PAPSS1: variants seen among roughly 807,000 people sequenced by gnomAD.
The protein encoded by PAPSS1 is bifunctional 3'-phosphoadenosine 5'-phosphosulfate synthase 1.
PAPSS1 carries 50 observed loss-of-function variants against 72.0 expected under a neutral mutation model. The observed-to-expected ratio is 0.69, with a 90% confidence interval of 0.55 to 0.88. PAPSS1 has a LOEUF of 0.88. Among genes scored for constraint, PAPSS1 ranks in the 40% least tolerant of loss-of-function variants. The pLI is 0.00. For synonymous variants in PAPSS1, 261 were observed against 263.6 expected (o/e 0.99, Z 0.09); for missense variants, 657 against 782.2 (o/e 0.84, Z 1.91).
chr4:107,719,939 C>G lies in PAPSS1; in HGVS notation c.60+181G>C, dbSNP rs1343922041. 9.4e-6 allele frequency: 13 copies of G among 1,382,796 alleles called. No homozygotes were observed. In the Middle Eastern group the frequency reaches 1.0e-3, roughly 111 times the overall value. The allele number at this position is 1,382,796 out of a possible 1,614,324, so 85.7% of individuals were successfully genotyped here. Reference sequence around the variant, plus strand: ...CTAGGGCGAGATCCCCACCCTGCGCCGCGCCCCTCTGCCTCGCAACCACCC... The same window carrying G: ...CTAGGGCGAGATCCCCACCCTGCGCGGCGCCCCTCTGCCTCGCAACCACCC... On this transcript the variant is annotated intron_variant, in intron 1 of 11. Coordinates refer to ENST00000265174, the MANE Select transcript of PAPSS1 (RefSeq NM_005443.5).
intron 6 of PAPSS1, 73 bp downstream of exon 6, chr4:107,659,886 A>T (rs567900617): frequency 1.2e-6 from 1 of 810,212 alleles, no homozygotes; most frequent in Non-Finnish European, 2.0e-6. Flanking sequence ...AAATACTGCT[A>T]TAAGTCACAA....
At chr4:107,620,545 A>G (rs1725928716) in intron 11 of PAPSS1, among the ~76,000 whole-genome samples, 1 of 152,254 alleles carries the variant, frequency 6.6e-6, no homozygotes, top group African/African-American at 2.4e-5. Context: ...AATAAAGGCT[A>G]GAGTGTGGCA....
intron 10 of PAPSS1, among the ~76,000 whole-genome samples, chr4:107,636,304 T>G (rs1726380401): frequency 1.3e-5 from 2 of 152,148 alleles, no homozygotes; most frequent in African/African-American, 4.8e-5. Context: ...GATCAATATT[T>G]AAATTAACAT....
intron 7 of PAPSS1, 63 bp from the exon 8 acceptor site, chr4:107,654,963 C>T: frequency 8.2e-7 from 1 of 1,222,736 alleles, no homozygotes; most frequent in South Asian, 1.3e-5. Flanking sequence ...TTACTTAACA[C>T]CCACCTTTCA....
At chr4:107,628,828 G>GA (rs1369653762) in intron 11 of PAPSS1, among the ~76,000 whole-genome samples, 5 of 152,170 alleles carry the variant, frequency 3.3e-5, no homozygotes, top group African/African-American at 1.2e-4. Flanking sequence ...CAGAGACAAG[G>GA]AAACAGGGCA....
At chr4:107,661,750 A>G (rs1028338690) in intron 5 of PAPSS1, among the ~76,000 whole-genome samples, 2 of 152,212 alleles carry the variant, frequency 1.3e-5, no homozygotes, top group African/African-American at 4.8e-5. Context: ...TTCCTGAGGA[A>G]TAGATGACCT....
chr4:107,706,976 C>T (rs1348740287), intron 1 of PAPSS1, among the ~76,000 whole-genome samples: 3 of 152,220 alleles, frequency 2.0e-5, no homozygotes, highest in Non-Finnish European at 4.4e-5. Flanking sequence ...GCCCTGAAGC[C>T]ATGGGAGCTG....
chr4:107,662,003 A>C (rs1257535480), intron 5 of PAPSS1, among the ~76,000 whole-genome samples: 3 of 152,254 alleles, frequency 2.0e-5, no homozygotes, highest in South Asian at 2.1e-4. Context: ...AATATGTGCC[A>C]AAATCAGGCT....
chr4:107,699,792 T>C (rs1004219283), intron 2 of PAPSS1, among the ~76,000 whole-genome samples: 2 of 152,114 alleles, frequency 1.3e-5, no homozygotes, highest in African/African-American at 4.8e-5. Context: ...ACCAAGAAAG[T>C]ATGAACCAAA....
chr4:107,693,131 T>A (rs13117538), intron 3 of PAPSS1, among the ~76,000 whole-genome samples: 125,249 of 152,046 alleles, frequency 0.82, 53,509 homozygotes, highest in South Asian at 0.95. Flanking sequence ...GTAGCCCTGA[T>A]CTTAAAATAA....
intron 5 of PAPSS1, among the ~76,000 whole-genome samples, chr4:107,675,413 A>C (rs1578414368): frequency 6.6e-6 from 1 of 152,226 alleles, no homozygotes; most frequent in Non-Finnish European, 1.5e-5. Flanking sequence ...ACACCTCTAC[A>C]CAAATAAACT....
rs767875634 is a variant in PAPSS1, at chr4:107,656,780, T to C, written c.895+116A>G. ...TCGGTACTGATATAACTTAGTCTTATAATGCTACCTCTATTAAGACGTTAC... is the reference window on the plus strand; with the variant it reads ...TCGGTACTGATATAACTTAGTCTTACAATGCTACCTCTATTAAGACGTTAC... On this transcript the variant is annotated intron_variant, in intron 7 of 11. Transcript: ENST00000265174. 7.1e-6 allele frequency: 5 copies of C among 706,202 alleles called. No homozygotes were observed. The African/African-American group carries it at 8.9e-5, about 13-fold the overall frequency. The allele number at this position is 706,202 out of a possible 1,614,324, so 43.7% of individuals were successfully genotyped here. A position where few individuals can be genotyped will look rare whatever the true frequency, so the allele number is the denominator to read the frequency against.
rs376855475 is a variant in PAPSS1 at position 107,653,572 on chromosome 4, G to A, written c.1156C>T (p.Arg386Ter). The A allele has an allele frequency of 4.3e-6, 7 of 1,612,874 alleles. No individual in the cohort carries two copies. Among genetic ancestry groups the A allele is most frequent in the Non-Finnish European group, 5.9e-6 (7 of 1,179,356 alleles). Reference protein sequence around the residue: ...LIGGDLQVLDRVYWNDGLDQY... With the variant: ...LIGGDLQVLD ...TCAAGACCATCATTCCAATAAACTC[G>A]ATCCAAGACTTGAAGATCTCCTCCA... The change falls in exon 9 of 12, where the codon CGA becomes TGA. Residue 386 changes from arginine (R) to a stop codon, truncating the protein, a stop_gained. Coordinates refer to ENST00000265174, the MANE Select transcript of PAPSS1 (RefSeq NM_005443.5). LOFTEE classifies it high-confidence loss of function.
intron 11 of PAPSS1, among the ~76,000 whole-genome samples, chr4:107,618,726 T>C (rs1167789856): frequency 1.3e-5 from 2 of 152,076 alleles, no homozygotes; most frequent in African/African-American, 4.8e-5. Context: ...TGAATGAATA[T>C]ATAAAATAAT....
chr4:107,679,833 A>C (rs1727753634), intron 5 of PAPSS1, among the ~76,000 whole-genome samples: 1 of 152,122 alleles, frequency 6.6e-6, no homozygotes, highest in Non-Finnish European at 1.5e-5. Flanking sequence ...GGATCTAATG[A>C]AAAAGTGGAC....
intron 4 of PAPSS1, among the ~76,000 whole-genome samples, chr4:107,685,878 T>C (rs548837974): frequency 6.6e-6 from 1 of 152,342 alleles, no homozygotes; most frequent in East Asian, 1.9e-4. Flanking sequence ...GGAGTTTCTG[T>C]GACAGTCTCA....
chr4:107,711,434 A>G (rs1170400847), intron 1 of PAPSS1, among the ~76,000 whole-genome samples: 1 of 152,182 alleles, frequency 6.6e-6, no homozygotes, highest in Non-Finnish European at 1.5e-5. Context: ...AGGAAAATCA[A>G]CTTCTCTGTG....
intron 10 of PAPSS1, among the ~76,000 whole-genome samples, chr4:107,637,814 A>T (rs1382841724): frequency 6.6e-6 from 1 of 152,248 alleles, no homozygotes; most frequent in South Asian, 2.1e-4. Flanking sequence ...TAATGCTATA[A>T]AAATTCTTTA....
chr4:107,707,040 G>A (rs1723356593), intron 1 of PAPSS1, among the ~76,000 whole-genome samples: 1 of 152,216 alleles, frequency 6.6e-6, no homozygotes, highest in African/African-American at 2.4e-5. Flanking sequence ...CACAGAAATG[G>A]TCTTACAGCC....
Sources: gnomAD v4.1 joint callset for allele counts (sites outside exome capture counted in the v4.1 genomes callset) on GRCh38, gnomAD v4.1.1 for gene constraint, MANE v1.5 for transcripts, NCBI Gene and HGNC (gene_info 2026-07-23, HGNC 2026-07-21) for gene names.